Variants in ASTN2 observed in about 807,000 individuals in gnomAD.
The protein encoded by ASTN2 is astrotactin 2, also known as astrotactin-2.
A neutral mutation model predicts 139.8 loss-of-function variants in ASTN2; 54 were observed. The observed-to-expected ratio is 0.39, with a 90% CI of 0.31 to 0.48. ASTN2 has a LOEUF of 0.48. Among genes scored for constraint, ASTN2 ranks in the 20% least tolerant of loss-of-function variants. The pLI, the probability that ASTN2 is intolerant of heterozygous loss-of-function variation, is 0.95. For synonymous variants in ASTN2, 756 were observed against 719.5 expected, an observed-to-expected ratio of 1.05 and a Z score of -0.81; for missense variants, 1,565 against 1,725.1, an observed-to-expected ratio of 0.91 and a Z score of 1.64.
chr9:116,882,033 C>A (rs1166429433), intron 10 of ASTN2, among the ~76,000 whole-genome samples: 1 of 152,254 alleles, frequency 6.6e-6, no homozygotes, highest in East Asian at 1.9e-4. Flanking sequence ...TTCCTAATTT[C>A]TTTTGGAACA....
intron 10 of ASTN2, among the ~76,000 whole-genome samples, chr9:116,961,769 A>T (rs2132504179): frequency 6.6e-6 from 1 of 152,358 alleles, no homozygotes; most frequent in South Asian, 2.1e-4. Context: ...TGCAGAAAAC[A>T]AGAGTCACAA....
chr9:117,352,670 G>T (rs1006803571), intron 1 of ASTN2, among the ~76,000 whole-genome samples: 1 of 152,086 alleles, frequency 6.6e-6, no homozygotes, highest in Admixed American at 6.6e-5. Flanking sequence ...AGAATTTAAG[G>T]ATTAAGATAT....
At chr9:117,016,608 ATC>A (rs1564385653) in intron 6 of ASTN2, among the ~76,000 whole-genome samples, 634 of 10,974 alleles carry the variant, frequency 0.058, 17 homozygotes, top group South Asian at 0.11. Flanking sequence ...ATATATCTAT[ATC>A]TATATCTATC....
intron 13 of ASTN2, among the ~76,000 whole-genome samples, chr9:116,764,676 A>C (rs115677854): frequency 6.6e-6 from 1 of 152,144 alleles, no homozygotes. Flanking sequence ...TACTTATTCA[A>C]ATATTTCCTG....
chr9:117,066,325 A>C (rs10983493), intron 5 of ASTN2, among the ~76,000 whole-genome samples: 35,719 of 147,518 alleles, frequency 0.24, 5,770 homozygotes, highest in Middle Eastern at 0.4. Context: ...AATTTCATAC[A>C]TGTCCCTACA....
intron 4 of ASTN2, among the ~76,000 whole-genome samples, chr9:117,139,763 T>C (rs1398924308): frequency 6.6e-6 from 1 of 152,110 alleles, no homozygotes; most frequent in Admixed American, 6.6e-5. Context: ...AAAATGAATC[T>C]AGTGCTTAAT....
chr9:117,215,653 C>T (rs1259793881), intron 2 of ASTN2, among the ~76,000 whole-genome samples: 1 of 152,048 alleles, frequency 6.6e-6, no homozygotes, highest in Non-Finnish European at 1.5e-5. Context: ...ATTTTCAAAA[C>T]ACGTCTGTAA....
At chr9:116,984,232 T>C (rs1292066093) in intron 7 of ASTN2, among the ~76,000 whole-genome samples, 3 of 152,194 alleles carry the variant, frequency 2.0e-5, no homozygotes, top group Non-Finnish European at 4.4e-5. Context: ...CTCAGCATTG[T>C]CCATGTGCTA....
rs929651703 is a variant in ASTN2 at position 116,424,043 on chromosome 9, T to C, written c.*1808A>G. On this transcript the variant is annotated 3_prime_UTR_variant, in exon 23 of 23. Coordinates refer to ENST00000313400, the MANE Select transcript of ASTN2 (RefSeq NM_001365068.1). ...CAGGTGTCATCTTTGCATTATGATA[T>C]ACCTGACCTACATCCCATCTGCTCA... Among the ~76,000 whole-genome samples, 1 of 152,232 alleles carries C rather than the reference T, an allele frequency of 6.6e-6. No individual in the cohort carries two copies. The highest frequency in any genetic ancestry group is 2.4e-5 in the African/African-American group (1 of 41,452).
intron 11 of ASTN2, among the ~76,000 whole-genome samples, chr9:116,834,677 A>C (rs1426541677): frequency 3.3e-5 from 5 of 152,162 alleles, no homozygotes. Context: ...AGCAATGTGA[A>C]TTTCTTGCAG....
At chr9:117,188,156 G>A (rs1184985718) in intron 3 of ASTN2, among the ~76,000 whole-genome samples, 3 of 147,742 alleles carry the variant, frequency 2.0e-5, no homozygotes, top group African/African-American at 2.5e-5. Context: ...GTGTGTGTGT[G>A]TCTGTGTGAT....
chr9:117,375,778 G>C (rs557299476), intron 1 of ASTN2, among the ~76,000 whole-genome samples: 1 of 152,138 alleles, frequency 6.6e-6, no homozygotes, highest in Admixed American at 6.5e-5. Context: ...TTGCAGGTCG[G>C]AAGTCCAAAG....
chr9:117,287,763 T>A (rs1834486391), intron 2 of ASTN2, among the ~76,000 whole-genome samples: 1 of 152,210 alleles, frequency 6.6e-6, no homozygotes, highest in Non-Finnish European at 1.5e-5. Context: ...TACTCCTAAG[T>A]TGAAGTCCTT....
Position 116,424,937 on chromosome 9 carries a change from C to T in ASTN2, c.*914G>A, listed in dbSNP as rs911054634. The stretch of plus-strand genomic sequence containing the variant: ...CTCTGTCTGGCTTATTTCTACTCAT[C>T]CTTTGGGTTTAGGTATCACTTTTTC... On this transcript the variant is annotated 3_prime_UTR_variant, in exon 23 of 23. Transcript: ENST00000313400. 1.3e-5 allele frequency among the ~76,000 whole-genome samples: 2 copies of T among 152,050 alleles called. No individual in the cohort carries two copies. Among genetic ancestry groups the T allele is most frequent in the Non-Finnish European group, 1.5e-5 (1 of 68,012 alleles).
intron 5 of ASTN2, among the ~76,000 whole-genome samples, chr9:117,058,061 A>T (rs997944203): frequency 6.6e-6 from 1 of 152,344 alleles, no homozygotes; most frequent in African/African-American, 2.4e-5. Context: ...ATAACCAGGT[A>T]GAGAGGGATA....
chr9:117,411,315 A>T (rs774987931), intron 1 of ASTN2, among the ~76,000 whole-genome samples: 1 of 152,150 alleles, frequency 6.6e-6, no homozygotes, highest in Non-Finnish European at 1.5e-5. Flanking sequence ...ATTGACTTAT[A>T]ATCAGATTCT....
chr9:117,037,846 A>G (rs182031328), intron 6 of ASTN2, among the ~76,000 whole-genome samples: 25 of 152,206 alleles, frequency 1.6e-4, no homozygotes, highest in Admixed American at 7.2e-4. Flanking sequence ...CAATTCTTCT[A>G]GCTGCGTAAT....
In ASTN2 at chr9:117,119,729, C is replaced by G. The variant is rs555126499; in HGVS notation, c.1168+21597G>C. ...GAGACACTAATCCTCACCTCACCAG[C>G]CTTCCTCTGATAGATGGGATTTGCC... is the stretch of plus-strand genomic sequence containing the variant. On this transcript the variant is annotated intron_variant, in intron 4 of 22. Coordinates refer to ENST00000313400, the MANE Select transcript of ASTN2 (RefSeq NM_001365068.1). 3.9e-5 allele frequency among the ~76,000 whole-genome samples: 6 copies of G among 152,046 alleles called. No individual in the cohort carries two copies. In the South Asian group the frequency reaches 1.2e-3, roughly 32 times the overall value.
intron 2 of ASTN2, among the ~76,000 whole-genome samples, chr9:117,243,598 A>G (rs1250490959): frequency 2.0e-5 from 3 of 152,202 alleles, no homozygotes; most frequent in African/African-American, 7.2e-5. Context: ...CTATCCTACA[A>G]GGTCAGTGTG....
Sources: allele counts gnomAD v4.1 joint callset (sites outside exome capture counted in the v4.1 genomes callset), GRCh38; gene constraint gnomAD v4.1.1; transcripts MANE v1.5; gene names NCBI Gene and HGNC (gene_info 2026-07-23, HGNC 2026-07-21).